The following UGT1A1 variants were observed in gnomAD, a reference collection of about 807,000 sequenced individuals.
UGT1A1 encodes the protein UDP glucuronosyltransferase family 1 member A1, also known as UDP-glucuronosyltransferase 1A1.
A neutral mutation model predicts 40.6 loss-of-function variants in UGT1A1; 33 were observed. The observed-to-expected ratio is 0.81, with a 90% CI of 0.62 to 1.09. UGT1A1 has a LOEUF of 1.09. Ranked by LOEUF, UGT1A1 falls within the 50% of genes least tolerant of loss-of-function variation. UGT1A1 has a pLI of 0.00. For synonymous variants in UGT1A1, 249 were observed against 265.0 expected (o/e 0.94, Z 0.59); for missense variants, 694 against 671.2 (o/e 1.03, Z -0.38).
At position 233,768,234 on chromosome 2, in the gene UGT1A1, C is replaced by T. The variant is rs55750087; in HGVS notation, c.1099C>T (p.Arg367Cys). 85 of 1,614,044 alleles carry T rather than the reference C, an allele frequency of 5.3e-5. No homozygotes were observed. The highest frequency in any genetic ancestry group is 3.3e-4 in the Middle Eastern group (2 of 6,084). Residue 367 changes from arginine to cysteine, a missense_variant, in exon 4 of 5, where the codon CGT becomes TGT. Arg to Cys is a radical substitution (Grantham distance 180). Transcript: ENST00000305208. Reference sequence around the variant, plus strand: ...TTGCATCTCAGGTCACCCGATGACCCGTGCCTTTATCACCCATGCTGGTTC... The same window carrying T: ...TTGCATCTCAGGTCACCCGATGACCTGTGCCTTTATCACCCATGCTGGTTC... ...QNDLLGHPMT[R>C]AFITHAGSHG...
Position 233,772,748 on chromosome 2 carries a change from T to C in UGT1A1, c.*189T>C. 7.0e-7 allele frequency: 1 copy of C among 1,420,206 alleles called. No individual in the cohort carries two copies. The highest frequency in any genetic ancestry group is 9.2e-7 in the Non-Finnish European group (1 of 1,083,550). The allele number at this position is 1,420,206 out of a possible 1,614,324, so 88.0% of individuals were successfully genotyped here. A position where few individuals can be genotyped will look rare whatever the true frequency, so the allele number is the denominator to read the frequency against. ...AGACTCGCTAGTCAGTAAAGATATT[T>C]GAATATGTATCGTGCCCCCTCTGGT... On this transcript the variant is annotated 3_prime_UTR_variant, in exon 5 of 5. Transcript: ENST00000305208.
rs1357071651 is a variant in UGT1A1, at chr2:233,768,553, A to G, written c.1304+114A>G. The G allele has an allele frequency of 2.0e-6, 3 of 1,477,264 alleles. No individual in the cohort carries two copies. The Admixed American group carries it at 8.1e-5, about 40-fold the overall frequency. 91.5% of individuals were successfully genotyped at this position (1,477,264 alleles called of 1,614,324 possible). A position where few individuals can be genotyped will look rare whatever the true frequency, so the allele number is the denominator to read the frequency against. On this transcript the variant is annotated intron_variant, in intron 4 of 4. Coordinates refer to ENST00000305208, the MANE Select transcript of UGT1A1 (RefSeq NM_000463.3). ...AGCGTTGTTTCAAATATAAAAACAA[A>G]TACATAAAAATCTGGATTTTTATTT...
Position 233,767,238 on chromosome 2 carries a change from AT to A in UGT1A1, c.996+75del. ...CTAATCCCAGACTTCCAGCTTCCAG[AT>A]TAATTCTCTTAATTGGAACCTTAGA... On this transcript the variant is annotated intron_variant, in intron 2 of 4. Transcript: ENST00000305208. The A allele has an allele frequency of 9.3e-6, 15 of 1,607,788 alleles. No individual in the cohort carries two copies. In the South Asian group the frequency reaches 1.6e-4, roughly 17 times the overall value.
At chr2:233,764,234 G>A (rs1271610105) in intron 1 of UGT1A1, among the ~76,000 whole-genome samples, 2 of 152,142 alleles carry the variant, frequency 1.3e-5, no homozygotes, top group Non-Finnish European at 2.9e-5. Flanking sequence ...GTGGGGGATT[G>A]GAGTGTTATT....
At chr2:233,767,735 C>A in intron 2 of UGT1A1, 114 bp from the exon 3 acceptor site, 2 of 1,569,354 alleles carry the variant, frequency 1.3e-6, no homozygotes, top group Non-Finnish European at 1.7e-6. Flanking sequence ...GATCCTCCCA[C>A]TCTGTTAAAG....
chr2:233,765,344 A>G (rs1008293425), intron 1 of UGT1A1, among the ~76,000 whole-genome samples: 8 of 152,240 alleles, frequency 5.3e-5, no homozygotes, highest in Non-Finnish European at 1.0e-4. Flanking sequence ...TAACAAAGTC[A>G]TGGAACCAAC....
intron 1 of UGT1A1, among the ~76,000 whole-genome samples, chr2:233,766,000 G>A (rs1299002153): frequency 1.3e-5 from 2 of 152,106 alleles, no homozygotes; most frequent in African/African-American, 2.4e-5. Context: ...TCCAGTGGGC[G>A]TGGGTTATGG....
Position 233,772,483 on chromosome 2 carries a change from G to C in UGT1A1, c.1526G>C (p.Cys509Ser). The change falls in exon 5 of 5, where the codon TGT (cysteine) becomes TCT (serine). Residue 509 changes from cysteine to serine, a missense_variant. Physicochemically the swap from Cys to Ser is moderately radical, Grantham distance 112. Transcript: ENST00000305208. ...ACAGTGGCCTTCATCACCTTTAAAT[G>C]TTGTGCTTATGGCTACCGGAAATGC... ...VLTVAFITFK[C>S]CAYGYRKCLG... The C allele has an allele frequency of 6.2e-7, 1 of 1,614,146 alleles. No individual in the cohort carries two copies. The highest frequency in any genetic ancestry group is 8.5e-7 in the Non-Finnish European group (1 of 1,180,048).
intron 1 of UGT1A1, among the ~76,000 whole-genome samples, chr2:233,763,098 A>G (rs1698235634): frequency 6.6e-6 from 1 of 152,204 alleles, no homozygotes; most frequent in South Asian, 2.1e-4. Context: ...TAGGAGAGGC[A>G]CCGAACTTTA....
chr2:233,761,186 T>C, intron 1 of UGT1A1, 35 bp downstream of exon 1: 1 of 1,614,212 alleles, frequency 6.2e-7, no homozygotes. Context: ...CATGCGTATA[T>C]TCTTTCAGAT....
chr2:233,764,521 T>A (rs2126010678), intron 1 of UGT1A1, among the ~76,000 whole-genome samples: 1 of 152,314 alleles, frequency 6.6e-6, no homozygotes, highest in African/African-American at 2.4e-5. Context: ...GTGAATCACA[T>A]CCTGCTGATT....
intron 1 of UGT1A1, among the ~76,000 whole-genome samples, chr2:233,764,468 T>G (rs553812675): frequency 1.3e-5 from 2 of 152,324 alleles, no homozygotes; most frequent in Middle Eastern, 6.8e-3. Context: ...GATCTCCTGC[T>G]ATTTAACTTC....
chr2:233,764,139 C>T (rs911077141), intron 1 of UGT1A1, among the ~76,000 whole-genome samples: 4 of 152,156 alleles, frequency 2.6e-5, no homozygotes, highest in Admixed American at 1.3e-4. Context: ...TGTTAAATGT[C>T]TCATTTTGGC....
intron 1 of UGT1A1, among the ~76,000 whole-genome samples, chr2:233,766,201 G>T (rs544565545): frequency 2.4e-4 from 37 of 152,254 alleles, no homozygotes; most frequent in Admixed American, 4.6e-4. Flanking sequence ...CTCAGCAGAT[G>T]GGGGAAGCCA....
In UGT1A1 at chr2:233,760,344, G is replaced by A. The variant is rs897355036; in HGVS notation, c.57G>A (p.Val19=). ...RPLVLGLLLC[V]LGPVVSHAGK... The stretch of plus-strand genomic sequence containing the variant: ...TTGTCCTGGGCCTGCTGCTGTGTGT[G>A]CTGGGCCCAGTGGTGTCCCATGCTG... The change falls in exon 1 of 5, where the codon GTG becomes GTA. Residue 19 remains valine (V), a synonymous_variant. Transcript: ENST00000305208. 5.6e-6 allele frequency: 9 copies of A among 1,613,914 alleles called. No homozygotes were observed. The Admixed American group carries it at 1.3e-4, about 24-fold the overall frequency.
chr2:233,769,664 G>A lies in UGT1A1; in HGVS notation c.1304+1225G>A. ...CTGATGACTGACTTCCCACCTTTGAGGTGCTAATGTGTGTGTGGTGGCACT... is the reference window on the plus strand; with the variant it reads ...CTGATGACTGACTTCCCACCTTTGAAGTGCTAATGTGTGTGTGGTGGCACT... On this transcript the variant is annotated intron_variant, in intron 4 of 4. Coordinates refer to ENST00000305208, the MANE Select transcript of UGT1A1 (RefSeq NM_000463.3). This position sits in a 1 kb window ranked among gnomAD's most constrained non-coding sequence, Gnocchi z 4.4. The A allele has an allele frequency of 6.3e-7, 1 of 1,596,206 alleles. No homozygotes were observed. Among genetic ancestry groups the A allele is most frequent in the African/African-American group, 1.3e-5 (1 of 74,742 alleles).
At chr2:233,763,196 G>C (rs1166459393) in intron 1 of UGT1A1, among the ~76,000 whole-genome samples, 1 of 152,152 alleles carries the variant, frequency 6.6e-6, no homozygotes, top group Non-Finnish European at 1.5e-5. Context: ...TGCCTTGTTT[G>C]GTGCAGTCAG....
At chr2:233,768,197 A>G in intron 3 of UGT1A1, 23 bp from the exon 4 acceptor site, 3 of 1,614,174 alleles carry the variant, frequency 1.9e-6, no homozygotes, top group Non-Finnish European at 2.5e-6. Context: ...AACTGCTGAC[A>G]TCCTCCCTAT....
intron 4 of UGT1A1, 43 bp from the exon 5 acceptor site, chr2:233,772,219 A>G (rs1474444531): frequency 6.2e-7 from 1 of 1,612,704 alleles, no homozygotes; most frequent in East Asian, 2.2e-5. Context: ...GATTGTTCAT[A>G]CCACAGGTGT....
Sources: allele counts gnomAD v4.1 joint callset (sites outside exome capture counted in the v4.1 genomes callset), GRCh38; gene constraint gnomAD v4.1.1; non-coding constraint Gnocchi (gnomAD v3.1); transcripts MANE v1.5; gene names NCBI Gene and HGNC (gene_info 2026-07-23, HGNC 2026-07-21).